Variants in SH3TC2 observed in about 807,000 individuals in gnomAD.
SH3TC2 encodes the protein SH3 domain and tetratricopeptide repeats 2, also known as SH3 domain and tetratricopeptide repeat-containing protein 2.
SH3TC2 carries 87 observed loss-of-function variants against 124.5 expected under a neutral mutation model. The observed-to-expected ratio is 0.70, with a 90% CI of 0.59 to 0.84. SH3TC2 has a LOEUF of 0.84. SH3TC2 is among the 40% of genes least tolerant of loss of function. The pLI is 0.00. For synonymous variants in SH3TC2, 634 were observed against 628.5 expected (o/e 1.01, Z -0.13); for missense variants, 1,536 against 1,566.4 (o/e 0.98, Z 0.33).
intron 14 of SH3TC2, among the ~76,000 whole-genome samples, chr5:149,009,635 T>A (rs12153124): frequency 6.6e-6 from 1 of 151,986 alleles, no homozygotes; most frequent in African/African-American, 2.4e-5. Context: ...AATTTTACGA[T>A]CAAATTAGAT....
chr5:149,046,891 C>T (rs1378219391), intron 3 of SH3TC2: 1 of 152,214 alleles, frequency 6.6e-6, no homozygotes, highest in Non-Finnish European at 1.5e-5. Flanking sequence ...TCACCAAACA[C>T]AATGCCAAGC....
intron 8 of SH3TC2, among the ~76,000 whole-genome samples, chr5:149,037,927 A>T (rs1314003662): frequency 6.6e-6 from 1 of 152,180 alleles, no homozygotes; most frequent in Non-Finnish European, 1.5e-5. Context: ...TGGGATCAGC[A>T]TGCTGCTAAT....
intron 12 of SH3TC2, among the ~76,000 whole-genome samples, chr5:149,019,903 T>A (rs1054476763): frequency 6.6e-6 from 1 of 152,092 alleles, no homozygotes; most frequent in African/African-American, 2.4e-5. Flanking sequence ...CAAAGTTCCA[T>A]CCCCAGAGAA....
In SH3TC2 at chr5:148,993,612, G is replaced by A. The variant is rs1209717385; in HGVS notation, c.*11099C>T. Among the ~76,000 whole-genome samples, 5 of 152,136 alleles carry A rather than the reference G, an allele frequency of 3.3e-5. No homozygotes were observed. Among genetic ancestry groups the A allele is most frequent in the Admixed American group, 6.5e-5 (1 of 15,276 alleles). On this transcript the variant is annotated 3_prime_UTR_variant, in exon 17 of 17. Transcript: ENST00000515425. ...ATCACGGAGGTCAAAACGTCTGCCA[G>A]ACTAAACATAGGTTCAAAATGACAG... is the stretch of plus-strand genomic sequence containing the variant.
chr5:149,023,604 GAGAC>G (rs1754014448), intron 12 of SH3TC2, among the ~76,000 whole-genome samples: 1 of 76,130 alleles, frequency 1.3e-5, no homozygotes, highest in Admixed American at 1.2e-4. Context: ...TTTTTTTTGA[GAGAC>G]AGTCTCACTC....
rs546426682 is a variant in SH3TC2 at position 149,030,506 on chromosome 5, T to C, written c.1135+1048A>G. On this transcript the variant is annotated intron_variant, in intron 9 of 16. Transcript: ENST00000515425. Reference sequence around the variant, plus strand: ...CCCCAAGGAACACTGCTAGTACACCTCAATTTTCAGACATCAGGCTCCCGC... The same window carrying C: ...CCCCAAGGAACACTGCTAGTACACCCCAATTTTCAGACATCAGGCTCCCGC... 3.9e-5 allele frequency among the ~76,000 whole-genome samples: 6 copies of C among 152,336 alleles called. No individual in the cohort carries two copies. In the South Asian group the frequency reaches 1.2e-3, roughly 32 times the overall value.
rs1007401 is a variant in SH3TC2, at chr5:149,003,402, G to A, written c.*1309C>T. The A allele has an allele frequency of 0.17, 26,620 of 157,252 alleles. 2,611 individuals carry two copies. The highest frequency in any genetic ancestry group is 0.24 in the East Asian group (1,293 of 5,286). The allele number at this position is 157,252 out of a possible 1,614,324, so 9.7% of individuals were successfully genotyped here. A position where few individuals can be genotyped will look rare whatever the true frequency, so the allele number is the denominator to read the frequency against. On this transcript the variant is annotated 3_prime_UTR_variant, in exon 17 of 17. Transcript: ENST00000515425. ...GTGACTGCCCTGTGGAGAGGCCCAC[G>A]TGGCAAGTGGCTGCAGGAAGCCTCT...
intron 9 of SH3TC2, among the ~76,000 whole-genome samples, chr5:149,029,026 G>GA (rs1221865938): frequency 2.2e-5 from 3 of 133,494 alleles, no homozygotes; most frequent in Non-Finnish European, 4.8e-5. Context: ...GGGGGGTGGG[G>GA]GGTGGGGACA....
intron 13 of SH3TC2, among the ~76,000 whole-genome samples, chr5:149,012,359 T>C (rs562280802): frequency 2.6e-5 from 4 of 152,238 alleles, no homozygotes; most frequent in Admixed American, 1.3e-4. Flanking sequence ...GGTGCACACA[T>C]GTGTATGGGT....
rs145520464 is a variant in SH3TC2, at chr5:149,033,638, C to A, written c.1002-1951G>T. ...GGGAGCCCATTAAACTCCCTGGAGT[C>A]TGAAAGAGTTCAACTTCTGTAAAGA... On this transcript the variant is annotated intron_variant, in intron 8 of 16. Transcript: ENST00000515425. Among the ~76,000 whole-genome samples, 84 of 152,304 alleles carry A rather than the reference C, an allele frequency of 5.5e-4. 3 individuals carry two copies. The East Asian group carries it at 0.016, about 29-fold the overall frequency.
At position 149,047,917 on chromosome 5, in the gene SH3TC2, C is replaced by T. The variant is rs749772988; in HGVS notation, c.224G>A (p.Arg75Gln). The T allele has an allele frequency of 1.9e-5, 30 of 1,614,042 alleles. No homozygotes were observed. Among genetic ancestry groups the T allele is most frequent in the Non-Finnish European group, 1.9e-5 (23 of 1,180,020 alleles). The change falls in exon 3 of 17, where the codon CGG becomes CAG. Residue 75 changes from arginine (R) to glutamine (Q), a missense_variant. This residue lies in a region of SH3TC2 where 1,102 missense variants were observed against 1,098.6 expected (regional missense o/e 1.00). Transcript: ENST00000515425. ...ATTCTCCAGTGCCCAGAGCCGCCTC[C>T]GAGCAGCTTCCTGTAGGGGTCCATT... Reference protein sequence around the residue: ...CVNGPLQEAARRRLWALENED... With the variant: ...CVNGPLQEAAQRRLWALENED...
chr5:149,010,504 TC>T, intron 13 of SH3TC2, 112 bp from the exon 14 acceptor site: 1 of 1,423,134 alleles, frequency 7.0e-7, no homozygotes, highest in Non-Finnish European at 9.6e-7. Context: ...TCTGCTAAAG[TC>T]CCCCAAATCC....
intron 8 of SH3TC2, among the ~76,000 whole-genome samples, chr5:149,036,603 A>G (rs1754287085): frequency 6.6e-6 from 1 of 152,166 alleles, no homozygotes. Context: ...ACTGGATTTA[A>G]TGTCAGGATT....
intron 1 of SH3TC2, among the ~76,000 whole-genome samples, chr5:149,055,337 T>C (rs1266694465): frequency 3.9e-5 from 6 of 152,116 alleles, no homozygotes; most frequent in Admixed American, 1.3e-4. Flanking sequence ...GAGAAATAGG[T>C]AGCCAGCCCA....
rs144366768 is a variant in SH3TC2, at chr5:149,051,378, T to C, written c.151+764A>G. ...AAATATTTACGCAGAACCTACTACATATAAAGTACTATGTTGGGTATCATA... is the reference window on the plus strand; with the variant it reads ...AAATATTTACGCAGAACCTACTACACATAAAGTACTATGTTGGGTATCATA... On this transcript the variant is annotated intron_variant, in intron 2 of 16. Transcript: ENST00000515425. Among the ~76,000 whole-genome samples the C allele has an allele frequency of 4.1e-3, 621 of 152,348 alleles. 3 individuals carry two copies. Among genetic ancestry groups the C allele is most frequent in the African/African-American group, 0.014 (587 of 41,578 alleles).
At chr5:149,044,030 C>A (rs1271516627) in intron 4 of SH3TC2, 1 of 161,400 alleles carries the variant, frequency 6.2e-6, no homozygotes, top group African/African-American at 2.4e-5. Context: ...CAATGTCCTT[C>A]TTTACCTTCT....
intron 5 of SH3TC2, 122 bp from the exon 6 acceptor site, chr5:149,041,739 C>T (rs886743963): frequency 2.4e-5 from 26 of 1,068,156 alleles, no homozygotes; most frequent in African/African-American, 6.3e-5. Flanking sequence ...GTAAAGTAGA[C>T]GTTTCACAGG....
intron 1 of SH3TC2, among the ~76,000 whole-genome samples, chr5:149,052,518 T>G (rs553666134): frequency 2.0e-5 from 3 of 152,306 alleles, no homozygotes; most frequent in South Asian, 4.1e-4. Flanking sequence ...CTTAGAACAC[T>G]GAAGGTGCTC....
chr5:149,049,441 A>G (rs36081), intron 2 of SH3TC2, among the ~76,000 whole-genome samples: 78,761 of 151,984 alleles, frequency 0.52, 21,428 homozygotes, highest in African/African-American at 0.68. Context: ...TAGCAAAATG[A>G]CTTTTATAGT....
Sources: gnomAD v4.1 joint callset for allele counts (sites outside exome capture counted in the v4.1 genomes callset) on GRCh38, gnomAD v4.1.1 for gene constraint, gnomAD v4.1.1 regional missense constraint, MANE v1.5 for transcripts, NCBI Gene and HGNC (gene_info 2026-07-23, HGNC 2026-07-21) for gene names.